ANXA4: variants seen among roughly 807,000 people sequenced by gnomAD.
The protein encoded by ANXA4 is 35-beta calcimedin.
Under a neutral mutation model 49.8 loss-of-function variants are expected in ANXA4, and 39 were observed. The observed-to-expected ratio is 0.78, with a 90% CI of 0.61 to 1.02. The LOEUF is 1.02. ANXA4 is among the 50% of genes least tolerant of loss of function. ANXA4 has a pLI of 0.00. For missense variants in ANXA4, 360 were observed against 410.1 expected (o/e 0.88, Z 1.05); for synonymous variants, 134 against 152.5 (o/e 0.88, Z 0.89).
chr2:69,732,825 C>G (rs900046617), intron 3 of ANXA4, among the ~76,000 whole-genome samples: 1 of 152,114 alleles, frequency 6.6e-6, no homozygotes, highest in Non-Finnish European at 1.5e-5. Context: ...CGGTGCTGAT[C>G]GAAGTCATGT....
At chr2:69,683,903 T>G (rs116832456) in intron 2 of ANXA4, among the ~76,000 whole-genome samples, 13 of 152,290 alleles carry the variant, frequency 8.5e-5, no homozygotes, top group Non-Finnish European at 1.9e-4. Flanking sequence ...TTAAAACCCA[T>G]AAACATTGTT....
chr2:69,748,710 CT>C (rs567935153), intron 1 of ANXA4, among the ~76,000 whole-genome samples: 3,932 of 132,530 alleles, frequency 0.03, 63 homozygotes, highest in African/African-American at 0.05. Flanking sequence ...TACCCTACTT[CT>C]TTTTTTTTTT....
intron 2 of ANXA4, among the ~76,000 whole-genome samples, chr2:69,718,359 C>T (rs949508184): frequency 2.6e-5 from 4 of 152,172 alleles, no homozygotes; most frequent in Admixed American, 1.3e-4. Flanking sequence ...TCATTTCACC[C>T]TTCCTTCTTT....
chr2:69,687,908 C>G (rs566245871), intron 2 of ANXA4, among the ~76,000 whole-genome samples: 1 of 152,344 alleles, frequency 6.6e-6, no homozygotes, highest in East Asian at 1.9e-4. Flanking sequence ...AGTCCATAAA[C>G]ACGTCAGTAT....
intron 1 of ANXA4, among the ~76,000 whole-genome samples, chr2:69,745,970 T>C (rs1670595173): frequency 6.6e-6 from 1 of 152,100 alleles, no homozygotes; most frequent in African/African-American, 2.4e-5. Context: ...ATGTGGTAAA[T>C]GCTAAAACCT....
intron 1 of ANXA4, among the ~76,000 whole-genome samples, chr2:69,757,266 A>ATTTTTTT (rs1177266386): frequency 7.2e-5 from 2 of 27,644 alleles, no homozygotes; most frequent in Admixed American, 6.6e-4. Flanking sequence ...ATATATATAT[A>ATTTTTTT]TTTTTTTTTT....
chr2:69,647,275 C>T (rs1676040698), intron 1 of ANXA4, among the ~76,000 whole-genome samples: 1 of 152,120 alleles, frequency 6.6e-6, no homozygotes, highest in South Asian at 2.1e-4. Context: ...AAGTAAAGCT[C>T]CCCTCTCCAA....
chr2:69,819,152 T>G (rs1457777533), intron 10 of ANXA4, 128 bp from the exon 11 acceptor site: 2 of 633,954 alleles, frequency 3.2e-6, no homozygotes, highest in Admixed American at 3.2e-5. Context: ...GAAACATTGC[T>G]TGGCTAAAAT....
At chr2:69,647,321 G>A (rs936322198) in intron 1 of ANXA4, among the ~76,000 whole-genome samples, 12 of 151,950 alleles carry the variant, frequency 7.9e-5, no homozygotes, top group Admixed American at 7.2e-4. Flanking sequence ...TTAACACTAT[G>A]TATCTTCCAT....
At chr2:69,825,392 T>C in intron 12 of ANXA4, 64 bp from the exon 13 acceptor site, 2 of 1,394,746 alleles carry the variant, frequency 1.4e-6, no homozygotes, top group Non-Finnish European at 2.0e-6. Flanking sequence ...TTGGCTTAGA[T>C]GACTTTGAAC....
chr2:69,666,889 T>C (rs987171765), intron 2 of ANXA4, among the ~76,000 whole-genome samples: 2 of 152,070 alleles, frequency 1.3e-5, no homozygotes, highest in East Asian at 3.9e-4. Flanking sequence ...CTACTAAAAA[T>C]ACAAAAATTA....
At chr2:69,814,145 CA>C (rs370478714) in intron 8 of ANXA4, among the ~76,000 whole-genome samples, 7 of 149,180 alleles carry the variant, frequency 4.7e-5, no homozygotes, top group African/African-American at 1.5e-4. Flanking sequence ...TTGTTTTATG[CA>C]AAAAAAAAGA....
intron 7 of ANXA4, among the ~76,000 whole-genome samples, chr2:69,811,839 T>A (rs561010901): frequency 6.6e-6 from 1 of 152,312 alleles, no homozygotes; most frequent in South Asian, 2.1e-4. Context: ...CGCCTGCCTG[T>A]GTCTCATATT....
chr2:69,686,024 CAAG>C (rs1677773235), intron 2 of ANXA4, among the ~76,000 whole-genome samples: 1 of 151,926 alleles, frequency 6.6e-6, no homozygotes, highest in African/African-American at 2.4e-5. Context: ...TGATTAACCT[CAAG>C]AGGAGAGATA....
intron 3 of ANXA4, among the ~76,000 whole-genome samples, chr2:69,728,697 C>T (rs140872638): frequency 6.6e-6 from 1 of 152,268 alleles, no homozygotes; most frequent in African/African-American, 2.4e-5. Context: ...CTGTTTCTGC[C>T]CTCTGTCTTC....
chr2:69,774,160 T>C (rs1671865281), intron 1 of ANXA4, among the ~76,000 whole-genome samples: 1 of 152,080 alleles, frequency 6.6e-6, no homozygotes. Flanking sequence ...TCCACCCTGC[T>C]AAGACTAGTC....
intron 2 of ANXA4, among the ~76,000 whole-genome samples, chr2:69,664,756 C>A (rs549448235): frequency 1.3e-5 from 2 of 152,278 alleles, no homozygotes; most frequent in East Asian, 3.9e-4. Flanking sequence ...TGTCCTTTCC[C>A]CTTGAACCCA....
intron 8 of ANXA4, 97 bp downstream of exon 8, chr2:69,812,806 T>TATCC (rs1467752845): frequency 9.6e-7 from 1 of 1,041,144 alleles, no homozygotes; most frequent in Non-Finnish European, 1.5e-6. Flanking sequence ...ACAGTGTATA[T>TATCC]TAGCCAGGCT....
intron 11 of ANXA4, among the ~76,000 whole-genome samples, chr2:69,820,408 G>C (rs1422285602): frequency 6.6e-6 from 1 of 152,150 alleles, no homozygotes; most frequent in African/African-American, 2.4e-5. Flanking sequence ...TACTCCATGA[G>C]AAGGAATCGT....
Sources: allele counts gnomAD v4.1 joint callset (sites outside exome capture counted in the v4.1 genomes callset), GRCh38; gene constraint gnomAD v4.1.1; transcripts MANE v1.5; gene names NCBI Gene and HGNC (gene_info 2026-07-23, HGNC 2026-07-21).